Variants in NAALADL2 observed in about 807,000 individuals in gnomAD.
NAALADL2 encodes inactive N-acetylated-alpha-linked acidic dipeptidase-like protein 2.
In NAALADL2, 76 loss-of-function variants were observed where a neutral mutation model predicts 87.2. The ratio of observed to expected loss-of-function variants is 0.87; its 90% CI spans 0.72 to 1.05. NAALADL2 has a LOEUF of 1.05. Ranked by LOEUF, NAALADL2 falls within the 50% of genes least tolerant of loss-of-function variation. NAALADL2 has a pLI of 0.00. For missense variants in NAALADL2, 1,089 were observed against 945.8 expected (o/e 1.15, Z -1.99); for synonymous variants, 354 against 331.0 (o/e 1.07, Z -0.75).
intron 2 of NAALADL2, among the ~76,000 whole-genome samples, chr3:174,569,089 C>T (rs913322287): frequency 6.6e-6 from 1 of 151,374 alleles, no homozygotes; most frequent in African/African-American, 2.4e-5. Context: ...ATATGTCGTA[C>T]TTGTTTGATC....
intron 4 of NAALADL2, among the ~76,000 whole-genome samples, chr3:175,294,790 C>T (rs535657654): frequency 1.8e-4 from 28 of 152,264 alleles, no homozygotes; most frequent in East Asian, 5.8e-4. Context: ...GTATCAAAAA[C>T]GTTCAGTGCT....
chr3:175,196,222 G>A (rs1466143433), intron 2 of NAALADL2, among the ~76,000 whole-genome samples: 1 of 151,862 alleles, frequency 6.6e-6, no homozygotes, highest in Non-Finnish European at 1.5e-5. Context: ...AAACTTTATA[G>A]AGAAGGGAAG....
intron 1 of NAALADL2, among the ~76,000 whole-genome samples, chr3:174,466,911 T>C (rs541611583): frequency 6.6e-6 from 1 of 152,346 alleles, no homozygotes; most frequent in East Asian, 1.9e-4. Context: ...AACAGCACTT[T>C]GGTGAAGTTA....
intron 1 of NAALADL2, among the ~76,000 whole-genome samples, chr3:175,013,301 A>ATATTTT (rs1553916905): frequency 4.0e-4 from 29 of 72,062 alleles, no homozygotes; most frequent in African/African-American, 1.3e-3. Context: ...ATATATATAT[A>ATATTTT]TTTTTTTTTT....
At chr3:175,644,363 A>C (rs1582750609) in intron 11 of NAALADL2, among the ~76,000 whole-genome samples, 1 of 152,020 alleles carries the variant, frequency 6.6e-6, no homozygotes, top group East Asian at 1.9e-4. Flanking sequence ...TTCTGAGTAA[A>C]TATTCTTATA....
At chr3:175,491,165 TTTATTGTCCTATAAAATAG>T (rs1728021790) in intron 9 of NAALADL2, among the ~76,000 whole-genome samples, 1 of 39,592 alleles carries the variant, frequency 2.5e-5, no homozygotes, top group Non-Finnish European at 9.7e-5. Context: ...CAGGAAATAT[TTTATTGTCCTATAAAATAG>T]TATTTTATTG....
intron 1 of NAALADL2, among the ~76,000 whole-genome samples, chr3:174,903,988 T>C (rs1178332616): frequency 6.6e-6 from 1 of 151,354 alleles, no homozygotes; most frequent in Non-Finnish European, 1.5e-5. Flanking sequence ...TATCTATTTC[T>C]ATATCTATAT....
intron 1 of NAALADL2, among the ~76,000 whole-genome samples, chr3:174,930,250 T>G (rs1284261656): frequency 2.0e-5 from 3 of 152,120 alleles, no homozygotes; most frequent in Non-Finnish European, 4.4e-5. Context: ...GAAAAATAGA[T>G]TTAGTGGGTT....
intron 1 of NAALADL2, among the ~76,000 whole-genome samples, chr3:175,075,858 T>A (rs2109190290): frequency 6.6e-6 from 1 of 152,200 alleles, no homozygotes; most frequent in African/African-American, 2.4e-5. Flanking sequence ...AAAAAAAGTC[T>A]AAAAATAGAT....
intron 9 of NAALADL2, among the ~76,000 whole-genome samples, chr3:175,472,863 T>G (rs9290556): frequency 0.81 from 123,132 of 151,994 alleles, 49,955 homozygotes; most frequent in East Asian, 0.9. Context: ...TGAATTCCTT[T>G]ACTCCTACCT....
In NAALADL2 at chr3:174,728,833, T is replaced by C. The variant is rs73048133; in HGVS notation, c.-114-8808T>C. ...TCGAAACCACAGACATGAGTTTACA[T>C]TTATGGACAGACAGCTGATGGAGCT... On this transcript the variant is annotated intron_variant, in intron 2 of 3. Transcript: ENST00000434257. Among the ~76,000 whole-genome samples the C allele has an allele frequency of 1.3e-3, 203 of 152,160 alleles. 1 individual carries two copies. Among genetic ancestry groups the C allele is most frequent in the African/African-American group, 4.7e-3 (196 of 41,566 alleles).
intron 3 of NAALADL2, among the ~76,000 whole-genome samples, chr3:174,831,570 T>C (rs1418608311): frequency 6.6e-6 from 1 of 150,556 alleles, no homozygotes; most frequent in South Asian, 2.1e-4. Context: ...TAAAATTCTC[T>C]TTTTTTGTTG....
At chr3:175,575,840 CAA>C (rs1348715019) in intron 9 of NAALADL2, among the ~76,000 whole-genome samples, 199 bp from the exon 10 acceptor site, 1 of 152,130 alleles carries the variant, frequency 6.6e-6, no homozygotes, top group Non-Finnish European at 1.5e-5. Flanking sequence ...GCGTCAGAAT[CAA>C]AGAGGACAGT....
At chr3:175,332,430 A>G (rs1761507653) in intron 5 of NAALADL2, among the ~76,000 whole-genome samples, 1 of 152,158 alleles carries the variant, frequency 6.6e-6, no homozygotes, top group South Asian at 2.1e-4. Context: ...GCCTCCAAGT[A>G]GCTGGGACCA....
chr3:175,771,877 T>C (rs1269722663), intron 13 of NAALADL2, among the ~76,000 whole-genome samples: 14 of 152,072 alleles, frequency 9.2e-5, no homozygotes, highest in South Asian at 2.1e-4. Context: ...AGGAAACTTA[T>C]ACATAGCAGC....
intron 2 of NAALADL2, among the ~76,000 whole-genome samples, chr3:175,143,174 G>A (rs1399895013): frequency 6.6e-6 from 1 of 151,860 alleles, no homozygotes; most frequent in Non-Finnish European, 1.5e-5. Context: ...GAATAATTAT[G>A]CACATGTTCA....
At chr3:174,743,047 C>T (rs1318742642) in intron 3 of NAALADL2, among the ~76,000 whole-genome samples, 1 of 151,686 alleles carries the variant, frequency 6.6e-6, no homozygotes, top group Non-Finnish European at 1.5e-5. Flanking sequence ...GCTCTGTTCT[C>T]ATCAAGCCCA....
chr3:175,710,501 T>G (rs1170291302), intron 11 of NAALADL2, among the ~76,000 whole-genome samples: 1 of 151,788 alleles, frequency 6.6e-6, no homozygotes, highest in Non-Finnish European at 1.5e-5. Context: ...TAGGAACTGT[T>G]TTCTTCTCTG....
At chr3:175,236,040 T>G (rs1224405358) in intron 3 of NAALADL2, among the ~76,000 whole-genome samples, 1 of 152,144 alleles carries the variant, frequency 6.6e-6, no homozygotes, top group African/African-American at 2.4e-5. Flanking sequence ...GAAAGAGATA[T>G]CCTATCACTG....
Sources: allele counts gnomAD v4.1 joint callset (sites outside exome capture counted in the v4.1 genomes callset), GRCh38; gene constraint gnomAD v4.1.1; transcripts MANE v1.5; gene names NCBI Gene and HGNC (gene_info 2026-07-23, HGNC 2026-07-21).